LIMK2: variants seen among roughly 807,000 people sequenced by gnomAD.
The protein encoded by LIMK2 is LIM domain kinase 2.
Under a neutral mutation model 75.7 loss-of-function variants are expected in LIMK2, and 35 were observed. The observed-to-expected ratio is 0.46, with a 90% confidence interval of 0.35 to 0.61. LIMK2 has a LOEUF of 0.61. LIMK2 is among the 20% of genes least tolerant of loss of function. The pLI, the probability that LIMK2 is intolerant of heterozygous loss-of-function variation, is 0.00. For synonymous variants in LIMK2, 301 were observed against 319.2 expected (o/e 0.94, Z 0.61); for missense variants, 623 against 831.0 (o/e 0.75, Z 3.08).
chr22:31,260,279 C>T (rs5753527), intron 5 of LIMK2, among the ~76,000 whole-genome samples: 6,815 of 152,294 alleles, frequency 0.045, 568 homozygotes, highest in East Asian at 0.37. Flanking sequence ...CTACCCGATA[C>T]TTAAGGCAAG....
chr22:31,278,424 C>T lies in LIMK2; in HGVS notation c.1900C>T (p.Arg634Trp), dbSNP rs374240104. ...TGTGAGCATGCAGTACGGCCTGACCCGGGACTCACCTCCCTAGCCCTGGCC... is the reference window on the plus strand; with the variant it reads ...TGTGAGCATGCAGTACGGCCTGACCTGGGACTCACCTCCCTAGCCCTGGCC... ...HTVSMQYGLT[R>W]DSPP Residue 634 changes from arginine to tryptophan, a missense_variant, in exon 16 of 16, where the codon CGG becomes TGG. This residue lies in a region of LIMK2 where 46 missense variants were observed against 46.9 expected (regional missense o/e 0.98). Transcript: ENST00000331728. The T allele has an allele frequency of 6.9e-5, 112 of 1,611,816 alleles. 1 individual carries two copies. The highest frequency in any genetic ancestry group is 3.6e-5 in the Non-Finnish European group (43 of 1,179,118).
At chr22:31,237,437 A>G (rs1159301174) in intron 2 of LIMK2, among the ~76,000 whole-genome samples, 1 of 151,466 alleles carries the variant, frequency 6.6e-6, no homozygotes, top group East Asian at 1.9e-4. Flanking sequence ...GATGGCAGGC[A>G]CCTGTAATCC....
At chr22:31,227,711 C>T (rs1392348709) in intron 2 of LIMK2, among the ~76,000 whole-genome samples, 4 of 152,164 alleles carry the variant, frequency 2.6e-5, no homozygotes, top group Admixed American at 1.3e-4. Context: ...CAGATTGGGT[C>T]TCGCCTTGGC....
At chr22:31,218,856 G>A (rs1452730202) in intron 1 of LIMK2, among the ~76,000 whole-genome samples, 2 of 152,144 alleles carry the variant, frequency 1.3e-5, no homozygotes, top group African/African-American at 4.8e-5. Flanking sequence ...GTTGTCTGGT[G>A]GAACGTGAGA....
chr22:31,254,707 G>A (rs1307485371), intron 2 of LIMK2, among the ~76,000 whole-genome samples: 1 of 152,038 alleles, frequency 6.6e-6, no homozygotes, highest in Non-Finnish European at 1.5e-5. Context: ...ACCTGTAATC[G>A]CAGCACTTCG....
At chr22:31,251,339 A>G (rs1219499908) in intron 2 of LIMK2, among the ~76,000 whole-genome samples, 1 of 152,252 alleles carries the variant, frequency 6.6e-6, no homozygotes, top group African/African-American at 2.4e-5. Flanking sequence ...TTAAAGGGAA[A>G]AAATTATGCA....
chr22:31,256,031 C>T (rs1427452935), intron 2 of LIMK2, among the ~76,000 whole-genome samples: 2 of 66,678 alleles, frequency 3.0e-5, no homozygotes, highest in African/African-American at 1.2e-4. Flanking sequence ...CGGAATCTTG[C>T]TCTGTTGTCC....
At chr22:31,266,873 C>T (rs1221149118) in intron 8 of LIMK2, 111 bp from the exon 9 acceptor site, 1 of 734,108 alleles carries the variant, frequency 1.4e-6, no homozygotes, top group South Asian at 1.5e-5. Context: ...CATTCTGACC[C>T]GGCTCAGTGT....
chr22:31,258,157 TGTA>T (rs2048803004), intron 2 of LIMK2, 131 bp from the exon 3 acceptor site: 1 of 881,934 alleles, frequency 1.1e-6, no homozygotes, highest in Non-Finnish European at 1.7e-6. Flanking sequence ...AGCACAAGGC[TGTA>T]ACTTTGCCCC....
At chr22:31,239,830 T>C (rs922698222) in intron 2 of LIMK2, among the ~76,000 whole-genome samples, 2 of 152,206 alleles carry the variant, frequency 1.3e-5, no homozygotes, top group Non-Finnish European at 2.9e-5. Context: ...GTTGAACGAC[T>C]CTTTGGACAC....
intron 1 of LIMK2, among the ~76,000 whole-genome samples, chr22:31,221,754 A>G (rs2048436617): frequency 2.6e-5 from 4 of 152,196 alleles, no homozygotes; most frequent in Admixed American, 2.0e-4. Context: ...AAGTGCTGGG[A>G]TTACAGGCGT....
At chr22:31,214,425 T>C (rs1221796483) in intron 1 of LIMK2, among the ~76,000 whole-genome samples, 2 of 152,154 alleles carry the variant, frequency 1.3e-5, no homozygotes, top group Non-Finnish European at 1.5e-5. Flanking sequence ...AGGTAAACAA[T>C]TGAGATAAGT....
At chr22:31,252,888 G>A (rs2048739727) in intron 2 of LIMK2, among the ~76,000 whole-genome samples, 1 of 152,230 alleles carries the variant, frequency 6.6e-6, no homozygotes. Flanking sequence ...GACACAGATG[G>A]TAAATGGCAG....
chr22:31,271,185 A>G lies in LIMK2; in HGVS notation c.1367A>G (p.Asn456Ser), dbSNP rs781537713. 1 of 1,614,066 alleles carries G rather than the reference A, an allele frequency of 6.2e-7. No individual in the cohort carries two copies. The highest frequency in any genetic ancestry group is 8.5e-7 in the Non-Finnish European group (1 of 1,179,960). ...CIIHRDLNSH[N>S]CLIKLDKTVV... ...ATCCACCGGGATCTGAACTCGCACAACTGCCTCATCAAGTTGGTATGTCCC... is the reference window on the plus strand; with the variant it reads ...ATCCACCGGGATCTGAACTCGCACAGCTGCCTCATCAAGTTGGTATGTCCC... Residue 456 changes from asparagine (N) to serine (S), a missense_variant, in exon 12 of 16, where the codon AAC (asparagine) becomes AGC (serine). Physicochemically the swap from Asn to Ser is conservative, Grantham distance 46. Around this residue, in one of 3 missense-constraint regions of LIMK2, gnomAD observed 514 missense variants for 661.3 expected, o/e 0.78. Transcript: ENST00000331728.
chr22:31,251,040 A>G (rs1032174287), intron 2 of LIMK2, among the ~76,000 whole-genome samples: 1 of 151,852 alleles, frequency 6.6e-6, no homozygotes, highest in Non-Finnish European at 1.5e-5. Context: ...TGTCCCATAC[A>G]CCCCTGCCTG....
chr22:31,251,370 G>GT lies in LIMK2; in HGVS notation c.117-6920dup, dbSNP rs2048723922. Among the ~76,000 whole-genome samples, 17 of 152,314 alleles carry GT rather than the reference G, an allele frequency of 1.1e-4. No homozygotes were observed. In the South Asian group the frequency reaches 3.5e-3, roughly 32 times the overall value. ...ATGCATAACTCTGCCCAGCTTCACA[G>GT]TAACCTTTGGCAGGTGCCTTAGGTC... On this transcript the variant is annotated intron_variant, in intron 2 of 15. Transcript: ENST00000331728.
At chr22:31,270,206 G>A (rs2048941685) in intron 11 of LIMK2, among the ~76,000 whole-genome samples, 1 of 152,172 alleles carries the variant, frequency 6.6e-6, no homozygotes, top group African/African-American at 2.4e-5. Flanking sequence ...GGAGCTGTGG[G>A]ACAGAAGAGG....
At chr22:31,215,475 G>C (rs2048382092) in intron 1 of LIMK2, among the ~76,000 whole-genome samples, 1 of 152,088 alleles carries the variant, frequency 6.6e-6, no homozygotes, top group East Asian at 1.9e-4. Context: ...TAGTCTCCTT[G>C]TTTTACCTAT....
chr22:31,260,715 GT>G (rs1189987056), intron 5 of LIMK2, among the ~76,000 whole-genome samples: 2 of 152,228 alleles, frequency 1.3e-5, no homozygotes, highest in Non-Finnish European at 2.9e-5. Context: ...AGATACTAGA[GT>G]TTGGGAAGTC....
Sources: gnomAD v4.1 joint callset for allele counts (sites outside exome capture counted in the v4.1 genomes callset) on GRCh38, gnomAD v4.1.1 for gene constraint, gnomAD v4.1.1 regional missense constraint, MANE v1.5 for transcripts, NCBI Gene and HGNC (gene_info 2026-07-23, HGNC 2026-07-21) for gene names.